Variants in ZNF34 observed in about 807,000 individuals in gnomAD.
ZNF34 encodes the protein zinc finger protein 34 (KOX 32).
ZNF34 carries 8 observed loss-of-function variants against 14.4 expected under a neutral mutation model. The observed-to-expected ratio is 0.55, with a 90% CI of 0.33 to 1.00. The LOEUF (loss-of-function observed/expected upper bound fraction) is 1.00. ZNF34 is among the 50% of genes least tolerant of loss of function. The pLI is 0.03. For synonymous variants in ZNF34, 235 were observed against 247.9 expected, an observed-to-expected ratio of 0.95 and a Z score of 0.49; for missense variants, 538 against 674.2, an observed-to-expected ratio of 0.80 and a Z score of 2.24.
At chr8:144,784,558 G>A (rs1042370767) in intron 1 of ZNF34, among the ~76,000 whole-genome samples, 2 of 150,316 alleles carry the variant, frequency 1.3e-5, no homozygotes, top group East Asian at 3.9e-4. Context: ...AAGAGTTCAA[G>A]ACCAGCCTAG....
At position 144,772,631 on chromosome 8, in the gene ZNF34, C is replaced by T. The variant is rs563063004; in HGVS notation, c.*635G>A. The stretch of plus-strand genomic sequence containing the variant: ...CTTGGCTCACTGCAACCTCCGCCTC[C>T]CAGGTTCAAGCAATGCTCCTGCCTC... On this transcript the variant is annotated 3_prime_UTR_variant, in exon 6 of 6. Coordinates refer to ENST00000429371, the MANE Select transcript of ZNF34 (RefSeq NM_001286769.2). Among the ~76,000 whole-genome samples the T allele has an allele frequency of 6.6e-6, 1 of 152,300 alleles. No individual in the cohort carries two copies. Among genetic ancestry groups the T allele is most frequent in the Admixed American group, 6.5e-5 (1 of 15,296 alleles).
At chr8:144,781,679 G>T (rs1445725337) in intron 1 of ZNF34, among the ~76,000 whole-genome samples, 2 of 152,032 alleles carry the variant, frequency 1.3e-5, no homozygotes, top group African/African-American at 4.8e-5. Flanking sequence ...AAGCAACAGA[G>T]AAAGTTTCAA....
chr8:144,775,547 C>T (rs1420791826), intron 5 of ZNF34, among the ~76,000 whole-genome samples: 1 of 152,154 alleles, frequency 6.6e-6, no homozygotes, highest in East Asian at 1.9e-4. Flanking sequence ...AAACAGACCA[C>T]ACTGCTACTC....
chr8:144,773,790 C>T lies in ZNF34; in HGVS notation c.1096G>A (p.Gly366Arg), dbSNP rs371290439. ...ILIRHRRTHT[G>R]EKPFECKECG... ...TCCTTGCACTCAAATGGCTTCTCTCCGGTGTGAGTCCGACGATGTCGGATA... is the reference window on the plus strand; with the variant it reads ...TCCTTGCACTCAAATGGCTTCTCTCTGGTGTGAGTCCGACGATGTCGGATA... The change falls in exon 6 of 6, where the codon GGA becomes AGA. Residue 366 changes from glycine to arginine, a missense_variant. Physicochemically the swap from Gly to Arg is moderately radical, Grantham distance 125 (BLOSUM62 -2). Coordinates refer to ENST00000429371, the MANE Select transcript of ZNF34 (RefSeq NM_001286769.2). The surrounding 1 kb of genome is among the most constrained non-coding windows in gnomAD (Gnocchi z 5.4). 14 of 1,613,956 alleles carry T rather than the reference C, an allele frequency of 8.7e-6. No individual in the cohort carries two copies. The highest frequency in any genetic ancestry group is 1.6e-4 in the Middle Eastern group (1 of 6,084).
At chr8:144,783,457 A>G (rs1167779005) in intron 1 of ZNF34, among the ~76,000 whole-genome samples, 3 of 152,212 alleles carry the variant, frequency 2.0e-5, no homozygotes, top group Admixed American at 6.5e-5. Flanking sequence ...GAATGATAAA[A>G]ATAATCTACA....
In ZNF34 at chr8:144,777,381, T is replaced by C; in HGVS notation, c.280+77A>G. 2 of 1,503,908 alleles carry C rather than the reference T, an allele frequency of 1.3e-6. No individual in the cohort carries two copies. The highest frequency in any genetic ancestry group is 1.8e-6 in the Non-Finnish European group (2 of 1,119,820). The allele number at this position is 1,503,908 out of a possible 1,614,324, so 93.2% of individuals were successfully genotyped here. A position where few individuals can be genotyped will look rare whatever the true frequency, so the allele number is the denominator to read the frequency against. On this transcript the variant is annotated intron_variant, in intron 5 of 5. Coordinates refer to ENST00000429371, the MANE Select transcript of ZNF34 (RefSeq NM_001286769.2). The surrounding 1 kb of genome is among the most constrained non-coding windows in gnomAD (Gnocchi z 4.8). ...ATGAATCTGGCCCACAAACTCCTGA[T>C]TCATTAATCAGACACCCTGGACCCC...
At position 144,786,477 on chromosome 8, in the gene ZNF34, T is replaced by C. The variant is rs1428406134; in HGVS notation, c.-108+802A>G. 8.0e-5 allele frequency among the ~76,000 whole-genome samples: 12 copies of C among 150,884 alleles called. No individual in the cohort carries two copies. In the East Asian group the frequency reaches 2.5e-3, roughly 31 times the overall value. On this transcript the variant is annotated intron_variant, in intron 1 of 5. Transcript: ENST00000429371. ...GGTTAAACCCCATCTCTACTAAAAA[T>C]ACAAAAATTAGCTGGGCATGGTGGC...
At chr8:144,782,755 T>C (rs1357618984) in intron 1 of ZNF34, among the ~76,000 whole-genome samples, 4 of 142,756 alleles carry the variant, frequency 2.8e-5, no homozygotes, top group Admixed American at 2.2e-4. Flanking sequence ...GAGGATCGCT[T>C]GAGCCCAGGA....
chr8:144,784,005 T>C (rs576826138), intron 1 of ZNF34, among the ~76,000 whole-genome samples: 2 of 151,298 alleles, frequency 1.3e-5, no homozygotes, highest in East Asian at 3.9e-4. Flanking sequence ...ACTAACAATA[T>C]AAAATTAGCC....
chr8:144,777,534 C>T lies in ZNF34; in HGVS notation c.204G>A (p.Leu68=). 2.6e-6 allele frequency: 4 copies of T among 1,554,082 alleles called. No homozygotes were observed. Among genetic ancestry groups the T allele is most frequent in the Non-Finnish European group, 3.5e-6 (4 of 1,148,362 alleles). Residue 68 remains leucine (L), a synonymous_variant, in exon 5 of 6, where the codon TTG becomes TTA. Coordinates refer to ENST00000429371, the MANE Select transcript of ZNF34 (RefSeq NM_001286769.2). The surrounding 1 kb of genome is among the most constrained non-coding windows in gnomAD (Gnocchi z 4.8). ...AGPKPGVISQ[L]ERGDEPWVLD... ...GGACCCAGGGCTCATCCCCTCGCTC[C>T]AACTGCGAGATCACTCCAGGCTTGG...
At chr8:144,786,794 G>T (rs1184080433) in intron 1 of ZNF34, among the ~76,000 whole-genome samples, 1 of 152,062 alleles carries the variant, frequency 6.6e-6, no homozygotes, top group Admixed American at 6.5e-5. Context: ...CAAGCAGAGG[G>T]AGGAGCACTG....
At chr8:144,784,774 AT>A (rs1826120328) in intron 1 of ZNF34, among the ~76,000 whole-genome samples, 1 of 151,894 alleles carries the variant, frequency 6.6e-6, no homozygotes. Context: ...ATAAATAGAA[AT>A]AAAAATAAAT....
rs549896699 is a variant in ZNF34, at chr8:144,779,960, G to A, written c.-55+268C>T. On this transcript the variant is annotated intron_variant, in intron 2 of 5. Coordinates refer to ENST00000429371, the MANE Select transcript of ZNF34 (RefSeq NM_001286769.2). The surrounding 1 kb of genome is among the most constrained non-coding windows in gnomAD (Gnocchi z 4.1). Reference sequence around the variant, plus strand: ...TCCTAGCGCTTTGGGAGGCTGAGGCGGGAGGACAGCTTGAGCCCAGGAATT... The same window carrying A: ...TCCTAGCGCTTTGGGAGGCTGAGGCAGGAGGACAGCTTGAGCCCAGGAATT... Among the ~76,000 whole-genome samples the A allele has an allele frequency of 1.6e-4, 24 of 151,760 alleles. No homozygotes were observed. The highest frequency in any genetic ancestry group is 2.2e-4 in the Non-Finnish European group (15 of 67,926).
chr8:144,781,653 A>G (rs1825896401), intron 1 of ZNF34, among the ~76,000 whole-genome samples: 2 of 152,202 alleles, frequency 1.3e-5, no homozygotes, highest in Admixed American at 6.5e-5. Flanking sequence ...CATACTGAAC[A>G]TTACCAAAAA....
At chr8:144,784,884 A>T (rs1339225997) in intron 1 of ZNF34, among the ~76,000 whole-genome samples, 1 of 152,130 alleles carries the variant, frequency 6.6e-6, no homozygotes, top group South Asian at 2.1e-4. Context: ...GTGCTTTGGG[A>T]GGCCGAGGTG....
At position 144,774,396 on chromosome 8, in the gene ZNF34, G is replaced by A; in HGVS notation, c.490C>T (p.Leu164=). The A allele has an allele frequency of 1.2e-6, 2 of 1,613,594 alleles. No individual in the cohort carries two copies. Among genetic ancestry groups the A allele is most frequent in the Non-Finnish European group, 1.7e-6 (2 of 1,179,720 alleles). ...SRESGGNLRL[L]SRPVPDQRPH... Reference sequence around the variant, plus strand: ...CTCTGATCAGGAACAGGTCTTGACAGCAACCTGAGGTTTCCCCCAGACTCC... The same window carrying A: ...CTCTGATCAGGAACAGGTCTTGACAACAACCTGAGGTTTCCCCCAGACTCC... Residue 164 remains leucine, a synonymous_variant, in exon 6 of 6, where the codon CTG becomes TTG. Coordinates refer to ENST00000429371, the MANE Select transcript of ZNF34 (RefSeq NM_001286769.2).
chr8:144,778,444 G>A lies in ZNF34; in HGVS notation c.28C>T (p.Pro10Ser), dbSNP rs760689590. ...CCAGGAGGACAGACACTCACCTGGG[G>A]TGGGGCAGACAGGAACAAGGCCGCC... MAALFLSAP[P>S]QAEVTFEDVA... The change falls in exon 3 of 6, where the codon CCC becomes TCC. Residue 10 changes from proline to serine, a missense_variant. By Grantham distance (74) the Pro-to-Ser change is moderately conservative. Around this residue, in one of 3 missense-constraint regions of ZNF34, gnomAD observed 431 missense variants for 525.7 expected, o/e 0.82. Coordinates refer to ENST00000429371, the MANE Select transcript of ZNF34 (RefSeq NM_001286769.2). 6.3e-7 allele frequency: 1 copy of A among 1,579,208 alleles called. No individual in the cohort carries two copies. The highest frequency in any genetic ancestry group is 8.6e-7 in the Non-Finnish European group (1 of 1,163,134).
intron 5 of ZNF34, among the ~76,000 whole-genome samples, chr8:144,776,729 G>A (rs1225991257): frequency 6.6e-6 from 1 of 152,058 alleles, no homozygotes; most frequent in Non-Finnish European, 1.5e-5. Context: ...GGGCAACACA[G>A]TGAAACCTCG....
chr8:144,783,383 T>C (rs111536996), intron 1 of ZNF34, among the ~76,000 whole-genome samples: 11,694 of 152,036 alleles, frequency 0.077, 1,529 homozygotes, highest in African/African-American at 0.27. Flanking sequence ...AGCAGTAAGT[T>C]ACAGAAAAAA....
Sources: allele counts gnomAD v4.1 joint callset (sites outside exome capture counted in the v4.1 genomes callset), GRCh38; gene constraint gnomAD v4.1.1; regional missense constraint gnomAD v4.1.1; non-coding constraint Gnocchi (gnomAD v3.1); transcripts MANE v1.5; gene names NCBI Gene and HGNC (gene_info 2026-07-23, HGNC 2026-07-21).